Variants in TENM1 observed in about 807,000 individuals in gnomAD.
TENM1 encodes the protein teneurin-1.
In TENM1, 35 loss-of-function variants were observed where a neutral mutation model predicts 174.8. The observed-to-expected ratio is 0.20, with a 90% confidence interval of 0.15 to 0.27. The LOEUF (loss-of-function observed/expected upper bound fraction) is 0.27, where lower values mean the gene tolerates loss of function less well. Among genes scored for constraint, TENM1 ranks in the 10% least tolerant of loss-of-function variants. The pLI is 1.00. For missense variants in TENM1, 1,633 were observed against 2,130.1 expected (o/e 0.77, Z 4.59); for synonymous variants, 781 against 798.7 (o/e 0.98, Z 0.37).
At chrX:124,633,419 C>T (rs1226363836) in intron 11 of TENM1, among the ~76,000 whole-genome samples, 1 of 111,497 alleles carries the variant, frequency 9.0e-6, no homozygotes, top group African/African-American at 3.3e-5. Flanking sequence ...GAGAGGCAGC[C>T]GCAAACTTAC....
intron 3 of TENM1, among the ~76,000 whole-genome samples, chrX:124,811,930 A>G (rs1344967413): frequency 9.0e-6 from 1 of 111,651 alleles, no homozygotes; most frequent in African/African-American, 3.2e-5. Flanking sequence ...TTGATCTCAT[A>G]GAAGTAGAGA....
chrX:124,625,504 A>G (rs1021920369), intron 11 of TENM1, among the ~76,000 whole-genome samples: 2 of 111,476 alleles, frequency 1.8e-5, no homozygotes, highest in Non-Finnish European at 3.8e-5. Context: ...AAAAAACAAA[A>G]TAAGTGTGTG....
At chrX:124,750,874 T>G (rs2054046627) in intron 3 of TENM1, among the ~76,000 whole-genome samples, 1 of 112,410 alleles carries the variant, frequency 8.9e-6, no homozygotes, top group African/African-American at 3.2e-5. Context: ...TATAAAATGC[T>G]GAGTCTGAAC....
chrX:124,406,420 G>T, exon 26 of TENM1: 1 of 1,208,135 alleles, frequency 8.3e-7, no homozygotes, highest in Non-Finnish European at 1.1e-6. Flanking sequence ...GCTTCTCCAG[G>T]TCACTGTGGA....
chrX:124,468,596 A>G (rs1413743136), intron 22 of TENM1, among the ~76,000 whole-genome samples: 1 of 112,140 alleles, frequency 8.9e-6, no homozygotes, highest in Non-Finnish European at 1.9e-5. Context: ...GTTAGTGTGT[A>G]TCATTCCCAT....
intron 5 of TENM1, among the ~76,000 whole-genome samples, chrX:124,681,102 T>C (rs930621919): frequency 1.8e-5 from 2 of 112,018 alleles, no homozygotes; most frequent in Non-Finnish European, 3.8e-5. Context: ...CTTTTCTGAG[T>C]TAGCATCATG....
At chrX:124,920,192 A>G (rs189094224) in intron 1 of TENM1, among the ~76,000 whole-genome samples, 1 of 111,923 alleles carries the variant, frequency 8.9e-6, no homozygotes, top group East Asian at 2.8e-4. Context: ...GTTTTTATTT[A>G]TTGTTTGAAA....
chrX:125,051,536 G>A, the TENM1 span, among the ~76,000 whole-genome samples: 8,624 of 110,025 alleles, frequency 0.078, 876 homozygotes, highest in African/African-American at 0.27. Context: ...CAGAAATAAC[G>A]CTGTATATCT....
In TENM1 at chrX:124,637,720, T is replaced by C. The variant is rs751788991; in HGVS notation, c.2077+4071A>G. ...CCATCAGTAAATATTAAAGACTCTTTGCACATTGTATCTCTCTCTCTATCT... is the reference window on the plus strand; with the variant it reads ...CCATCAGTAAATATTAAAGACTCTTCGCACATTGTATCTCTCTCTCTATCT... On this transcript the variant is annotated intron_variant, in intron 11 of 31. Coordinates refer to ENST00000422452, the Ensembl canonical transcript of TENM1. 2.1e-3 allele frequency among the ~76,000 whole-genome samples: 234 copies of C among 112,011 alleles called. 1 individual carries two copies. The highest frequency in any genetic ancestry group is 7.2e-3 in the African/African-American group (222 of 30,790).
At chrX:124,876,168 A>C (rs761578809) in intron 3 of TENM1, among the ~76,000 whole-genome samples, 14 of 111,012 alleles carry the variant, frequency 1.3e-4, no homozygotes, top group Non-Finnish European at 2.5e-4. Flanking sequence ...TCAGTTATGG[A>C]GCGGTTATGA....
At chrX:124,993,858 A>T in the TENM1 span, among the ~76,000 whole-genome samples, 1 of 111,031 alleles carries the variant, frequency 9.0e-6, no homozygotes, top group African/African-American at 3.3e-5. Flanking sequence ...AAATACACAC[A>T]CACAGCATCT....
intron 11 of TENM1, among the ~76,000 whole-genome samples, chrX:124,601,219 C>T (rs905791102): frequency 3.6e-5 from 4 of 110,946 alleles, no homozygotes; most frequent in East Asian, 5.7e-4. Context: ...TAGAGGAGAA[C>T]GTGGGATTCA....
the TENM1 span, among the ~76,000 whole-genome samples, chrX:125,021,612 G>A: frequency 2.6e-3 from 285 of 111,229 alleles, 3 homozygotes; most frequent in East Asian, 0.022. Context: ...AAGAGCCACA[G>A]AGTAAATGTT....
At chrX:124,741,103 C>G (rs1168928823) in intron 3 of TENM1, among the ~76,000 whole-genome samples, 1 of 111,740 alleles carries the variant, frequency 8.9e-6, no homozygotes, top group African/African-American at 3.2e-5. Context: ...TTCTCAGGAG[C>G]AAAATTCCTC....
chrX:124,963,520 A>T lies in TENM1; in HGVS notation c.217+17T>A. On this transcript the variant is annotated intron_variant, in intron 1 of 31. Transcript: ENST00000422452. ...ATGAGAAATAATATTTGTTATAAAG[A>T]TCCAATAAAAACATACCTTGAGTAG... 8.7e-7 allele frequency: 1 copy of T among 1,142,870 alleles called. No individual in the cohort carries two copies. Among genetic ancestry groups the T allele is most frequent in the African/African-American group, 1.8e-5 (1 of 56,388 alleles). The allele number at this position is 1,142,870 out of a possible 1,213,427, so 94.2% of individuals were successfully genotyped here. A position where few individuals can be genotyped will look rare whatever the true frequency, so the allele number is the denominator to read the frequency against.
chrX:124,506,232 G>A (rs2047445251), intron 18 of TENM1, among the ~76,000 whole-genome samples: 1 of 111,383 alleles, frequency 9.0e-6, no homozygotes, highest in Admixed American at 9.5e-5. Context: ...TAAGTAGTGT[G>A]CCCTGGTGAC....
the TENM1 span, among the ~76,000 whole-genome samples, chrX:125,202,991 C>A: frequency 8.9e-6 from 1 of 112,002 alleles, no homozygotes; most frequent in Non-Finnish European, 1.9e-5. Context: ...GGATGAAATG[C>A]GGAAACACAC....
At chrX:124,989,178 C>T in the TENM1 span, among the ~76,000 whole-genome samples, 1 of 111,548 alleles carries the variant, frequency 9.0e-6, no homozygotes, top group African/African-American at 3.2e-5. Context: ...TGAGAATTAG[C>T]TACTAGAACT....
chrX:124,510,446 G>C (rs988228310), intron 18 of TENM1, among the ~76,000 whole-genome samples: 1 of 112,090 alleles, frequency 8.9e-6, no homozygotes, highest in African/African-American at 3.2e-5. Flanking sequence ...GCCAAAAATG[G>C]TGCTTGGTTA....
Sources: gnomAD v4.1 joint callset for allele counts (sites outside exome capture counted in the v4.1 genomes callset) on GRCh38, gnomAD v4.1.1 for gene constraint, MANE v1.5 for transcripts, NCBI Gene and HGNC (gene_info 2026-07-23, HGNC 2026-07-21) for gene names.